TENM3: variants seen among roughly 807,000 people sequenced by gnomAD.
TENM3 encodes the protein teneurin-3.
In TENM3, 63 loss-of-function variants were observed where a neutral mutation model predicts 255.1. The observed-to-expected ratio is 0.25, with a 90% CI of 0.20 to 0.30. The LOEUF is 0.30. Ranked by LOEUF, TENM3 falls within the 10% of genes least tolerant of loss-of-function variation. The probability of loss-of-function intolerance (pLI) is 1.00; values close to 1 mark genes in which losing one functional copy is unlikely to be tolerated. For synonymous variants in TENM3, 1,306 were observed against 1,322.3 expected (o/e 0.99, Z 0.27); for missense variants, 2,929 against 3,461.1 (o/e 0.85, Z 3.86).
chr4:182,287,804 A>G (rs1442703679), intron 1 of TENM3, among the ~76,000 whole-genome samples: 2 of 151,664 alleles, frequency 1.3e-5, no homozygotes, highest in Non-Finnish European at 2.9e-5. Context: ...TTTTTAGTAA[A>G]GAGGTGGTTT....
At chr4:181,888,509 T>TACAC in the TENM3 span, among the ~76,000 whole-genome samples, 2 of 32,432 alleles carry the variant, frequency 6.2e-5, no homozygotes, top group Non-Finnish European at 1.1e-4. Context: ...TATATATATA[T>TACAC]ATATATGTAT....
At chr4:182,665,875 G>A (rs924392409) in intron 6 of TENM3, among the ~76,000 whole-genome samples, 14 of 152,024 alleles carry the variant, frequency 9.2e-5, no homozygotes, top group South Asian at 2.1e-4. Context: ...CAGCCTGGGC[G>A]ACAGACAGAG....
chr4:181,628,330 T>C, the TENM3 span, among the ~76,000 whole-genome samples: 1 of 152,226 alleles, frequency 6.6e-6, no homozygotes, highest in African/African-American at 2.4e-5. Flanking sequence ...AGAAGTTCTT[T>C]AGTTTAATTA....
chr4:182,782,960 A>G (rs1765298844), intron 24 of TENM3, among the ~76,000 whole-genome samples: 1 of 148,038 alleles, frequency 6.8e-6, no homozygotes. Flanking sequence ...TCTGCACGTG[A>G]GATGGATTTC....
chr4:182,650,892 ATATAT>A (rs1561056224), intron 5 of TENM3, among the ~76,000 whole-genome samples: 1 of 10,808 alleles, frequency 9.3e-5, no homozygotes, highest in Non-Finnish European at 1.6e-4. Context: ...AAAAAAAAAT[ATATAT>A]ATATATATAT....
At chr4:182,782,940 T>A (rs1490485652) in intron 24 of TENM3, among the ~76,000 whole-genome samples, 27 of 151,574 alleles carry the variant, frequency 1.8e-4, no homozygotes, top group African/African-American at 6.3e-4. Flanking sequence ...ATTTTGAGCC[T>A]ATGTGTGTCT....
chr4:181,598,091 A>G, the TENM3 span, among the ~76,000 whole-genome samples: 1 of 152,194 alleles, frequency 6.6e-6, no homozygotes. Flanking sequence ...CCGGACAGAC[A>G]TTTGGAAATT....
Position 182,800,416 on chromosome 4 carries a change from T to C in TENM3, c.*65T>C. Reference sequence around the variant, plus strand: ...ACATTGTCCTGTGGCACAACCCGAGTGGGACTCTCCAACGCCCAAGAGCCT... The same window carrying C: ...ACATTGTCCTGTGGCACAACCCGAGCGGGACTCTCCAACGCCCAAGAGCCT... On this transcript the variant is annotated 3_prime_UTR_variant, in exon 28 of 28. Coordinates refer to ENST00000511685, the MANE Select transcript of TENM3 (RefSeq NM_001080477.4). The C allele has an allele frequency of 6.8e-7, 1 of 1,478,338 alleles. No individual in the cohort carries two copies. Among genetic ancestry groups the C allele is most frequent in the South Asian group, 1.3e-5 (1 of 77,682 alleles). 91.6% of individuals were successfully genotyped at this position (1,478,338 alleles called of 1,614,324 possible).
chr4:181,667,476 A>G, the TENM3 span, among the ~76,000 whole-genome samples: 6,040 of 152,272 alleles, frequency 0.04, 142 homozygotes, highest in Middle Eastern at 0.079. Flanking sequence ...ACCATGTAAG[A>G]GGTGGGACCA....
At chr4:181,784,705 C>A in the TENM3 span, among the ~76,000 whole-genome samples, 1 of 152,138 alleles carries the variant, frequency 6.6e-6, no homozygotes, top group Admixed American at 6.6e-5. Flanking sequence ...CTGCCCATTT[C>A]TCATGAGGAC....
intron 6 of TENM3, among the ~76,000 whole-genome samples, chr4:182,671,316 T>A (rs945990249): frequency 3.3e-5 from 5 of 152,174 alleles, no homozygotes; most frequent in African/African-American, 1.2e-4. Context: ...CAAAACGGGT[T>A]TTCTTTATCT....
the TENM3 span, among the ~76,000 whole-genome samples, chr4:181,819,018 T>C: frequency 6.6e-6 from 1 of 152,190 alleles, no homozygotes; most frequent in Admixed American, 6.5e-5. Flanking sequence ...TATTTGTATT[T>C]AGAACTCCCC....
chr4:181,657,582 A>G, the TENM3 span, among the ~76,000 whole-genome samples: 3 of 152,186 alleles, frequency 2.0e-5, no homozygotes, highest in African/African-American at 7.2e-5. Context: ...AGCACTTTGG[A>G]GGTTTCTCAA....
intron 3 of TENM3, among the ~76,000 whole-genome samples, chr4:182,528,494 A>G (rs117359397): frequency 6.6e-6 from 1 of 152,322 alleles, no homozygotes; most frequent in East Asian, 1.9e-4. Context: ...TATTTCTCTG[A>G]TCTATGTATG....
At chr4:181,927,120 T>A in the TENM3 span, among the ~76,000 whole-genome samples, 3 of 152,178 alleles carry the variant, frequency 2.0e-5, no homozygotes, top group African/African-American at 7.2e-5. Context: ...TGCAGGAGTT[T>A]TTTTCATACC....
chr4:182,584,937 C>A (rs548780678), intron 3 of TENM3, among the ~76,000 whole-genome samples: 4 of 152,120 alleles, frequency 2.6e-5, no homozygotes, highest in Non-Finnish European at 5.9e-5. Flanking sequence ...CCACCGTGCC[C>A]AGCTGTATAT....
intron 3 of TENM3, among the ~76,000 whole-genome samples, chr4:182,415,933 C>T (rs1276969503): frequency 6.6e-6 from 1 of 151,874 alleles, no homozygotes; most frequent in Non-Finnish European, 1.5e-5. Flanking sequence ...CATCCTGAGA[C>T]ACCTTATAAT....
chr4:182,312,931 A>G (rs1483019008), intron 1 of TENM3, among the ~76,000 whole-genome samples: 5 of 152,202 alleles, frequency 3.3e-5, no homozygotes, highest in African/African-American at 9.7e-5. Flanking sequence ...TGCAACCACA[A>G]ACTAAATGAC....
intron 1 of TENM3, among the ~76,000 whole-genome samples, chr4:182,244,190 T>C (rs1283627322): frequency 1.3e-5 from 2 of 151,900 alleles, no homozygotes; most frequent in Admixed American, 1.3e-4. Context: ...CCTGACCTCG[T>C]GATCCGCCCG....
Sources: gnomAD v4.1 joint callset for allele counts (sites outside exome capture counted in the v4.1 genomes callset) on GRCh38, gnomAD v4.1.1 for gene constraint, MANE v1.5 for transcripts, NCBI Gene and HGNC (gene_info 2026-07-23, HGNC 2026-07-21) for gene names.